TMEM121B: variants seen among roughly 807,000 people sequenced by gnomAD.
The protein encoded by TMEM121B is cat eye syndrome chromosome region, candidate 6.
In TMEM121B, 14 loss-of-function variants were observed where a neutral mutation model predicts 25.1. The observed-to-expected ratio is 0.56, with a 90% CI of 0.37 to 0.87. TMEM121B has a LOEUF of 0.87. TMEM121B is among the 40% of genes least tolerant of loss of function. TMEM121B has a pLI of 0.00. For missense variants in TMEM121B, 850 were observed against 854.6 expected, an observed-to-expected ratio of 0.99 and a Z score of 0.07; for synonymous variants, 458 against 420.9, an observed-to-expected ratio of 1.09 and a Z score of -1.08.
At position 17,120,179 on chromosome 22, in the gene TMEM121B, C is replaced by A. The variant is rs779385176; in HGVS notation, c.949G>T (p.Ala317Ser). The A allele has an allele frequency of 3.8e-6, 6 of 1,564,572 alleles. No homozygotes were observed. Among genetic ancestry groups the A allele is most frequent in the Non-Finnish European group, 5.2e-6 (6 of 1,158,766 alleles). ...AAGGCGATGGAGTAGATAAGCCAGG[C>A]CAGGTAGGCGAAGGCGAACTCGCCC... ...AAGEFAFAYL[A>S]WLIYSIAFTP... The change falls in exon 1 of 1, where the codon GCC (alanine) becomes TCC (serine). Residue 317 changes from alanine (A) to serine (S), a missense_variant. Transcript: ENST00000331437.
chr22:17,118,662 G>A lies in TMEM121B; in HGVS notation c.*729C>T, dbSNP rs1233745111. The A allele has an allele frequency of 1.3e-5, 2 of 152,630 alleles. No homozygotes were observed. The highest frequency in any genetic ancestry group is 2.9e-5 in the Non-Finnish European group (2 of 68,036). The allele number at this position is 152,630 out of a possible 1,614,324, so 9.5% of individuals were successfully genotyped here. A position where few individuals can be genotyped will look rare whatever the true frequency, so the allele number is the denominator to read the frequency against. On this transcript the variant is annotated 3_prime_UTR_variant, in exon 1 of 1. Transcript: ENST00000331437. ...GGTGCAGTTTGGTCCTTAGAGAATG[G>A]ATCCCCTCCTCTCCCTGAGCTGAGA...
rs1447592322 is a variant in TMEM121B at position 17,120,603 on chromosome 22, G to A, written c.525C>T (p.Cys175=). 1.9e-5 allele frequency: 26 copies of A among 1,360,666 alleles called. No individual in the cohort carries two copies. The highest frequency in any genetic ancestry group is 2.5e-5 in the Non-Finnish European group (26 of 1,054,284). The allele number at this position is 1,360,666 out of a possible 1,614,324, so 84.3% of individuals were successfully genotyped here. Residue 175 remains cysteine (C), a synonymous_variant, in exon 1 of 1, where the codon TGC becomes TGT. Transcript: ENST00000331437. The part of the protein sequence containing the change: ...GASCCPCCCC[C]GCPDRPGRRG... ...TGCGGCCGGGGCGGTCTGGGCAGCC[G>A]CAGCAGCAGCAACACGGGCAGCAGG...
rs1293489656 is a variant in TMEM121B, at chr22:17,121,076, A to G, written c.52T>C (p.Phe18Leu). Residue 18 changes from phenylalanine (F) to leucine (L), a missense_variant, in exon 1 of 1, where the codon TTC (phenylalanine) becomes CTC (leucine). Phe to Leu is a conservative substitution (Grantham distance 22, BLOSUM62 0). Coordinates refer to ENST00000331437, the MANE Select transcript of TMEM121B (RefSeq NM_031890.4). ...PRSVSSASGS[F>L]PPPPAAARLQ... ...CGGGCGGCTGCCGGGGGCGGCGGGA[A>G]GGAACCGGACGCGGAGGAGACCGAG... 2.8e-6 allele frequency: 4 copies of G among 1,449,806 alleles called. No individual in the cohort carries two copies. Among genetic ancestry groups the G allele is most frequent in the Non-Finnish European group, 3.6e-6 (4 of 1,102,032 alleles). 89.8% of individuals were successfully genotyped at this position (1,449,806 alleles called of 1,614,324 possible).
chr22:17,120,627 G>T lies in TMEM121B; in HGVS notation c.501C>A (p.Ser167=). Residue 167 remains serine (S), a synonymous_variant, in exon 1 of 1, where the codon TCC becomes TCA. Coordinates refer to ENST00000331437, the MANE Select transcript of TMEM121B (RefSeq NM_031890.4). Reference sequence around the variant, plus strand: ...CGCAGCAGCAGCAACACGGGCAGCAGGAGGCGCCGCTGCCGGTCCCGGTGC... The same window carrying T: ...CGCAGCAGCAGCAACACGGGCAGCATGAGGCGCCGCTGCCGGTCCCGGTGC... ...AGGTGTGSGA[S]CCPCCCCCGC... is the part of the protein sequence containing the mutation. 7.9e-7 allele frequency: 1 copy of T among 1,258,358 alleles called. No homozygotes were observed. Among genetic ancestry groups the T allele is most frequent in the African/African-American group, 1.6e-5 (1 of 63,978 alleles). 77.9% of individuals were successfully genotyped at this position (1,258,358 alleles called of 1,614,324 possible).
chr22:17,119,749 G>T lies in TMEM121B; in HGVS notation c.1379C>A (p.Ser460Tyr), dbSNP rs1308478693. ...AAGGCGGCTGCAGCTGCCAGGCCCG[G>T]AGGCCTGGCCCCAGGATGCAGCCGC... Reference protein sequence around the residue: ...AAAAASWGQASGPGSCSRLLR... With the variant: ...AAAAASWGQAYGPGSCSRLLR... The change falls in exon 1 of 1, where the codon TCC becomes TAC. Residue 460 changes from serine (S) to tyrosine (Y), a missense_variant. Physicochemically the swap from Ser to Tyr is moderately radical, Grantham distance 144. Coordinates refer to ENST00000331437, the MANE Select transcript of TMEM121B (RefSeq NM_031890.4). 19 of 1,553,860 alleles carry T rather than the reference G, an allele frequency of 1.2e-5. No homozygotes were observed. The highest frequency in any genetic ancestry group is 1.6e-5 in the Non-Finnish European group (19 of 1,157,312).
chr22:17,120,193 G>A lies in TMEM121B; in HGVS notation c.935C>T (p.Ala312Val). The change falls in exon 1 of 1, where the codon GCC becomes GTC. Residue 312 changes from alanine to valine, a missense_variant. Transcript: ENST00000331437. ...LGAAAAAGEF[A>V]FAYLAWLIYS... ...GATAAGCCAGGCCAGGTAGGCGAAG[G>A]CGAACTCGCCCGCTGCCGCGGCCGC... is the stretch of plus-strand genomic sequence containing the variant. The A allele has an allele frequency of 1.3e-6, 2 of 1,529,544 alleles. No homozygotes were observed. Among genetic ancestry groups the A allele is most frequent in the African/African-American group, 1.4e-5 (1 of 70,470 alleles). 94.7% of individuals were successfully genotyped at this position (1,529,544 alleles called of 1,614,324 possible).
rs139451730 is a variant in TMEM121B, at chr22:17,116,521, G to T, written c.*2870C>A. On this transcript the variant is annotated 3_prime_UTR_variant, in exon 1 of 1. Coordinates refer to ENST00000331437, the MANE Select transcript of TMEM121B (RefSeq NM_031890.4). ...GTCTTTTTAAAATAAGTAAGGATTT[G>T]GGGACTAACAGAGAGGAAGCCCCTG... 2 of 152,294 alleles carry T rather than the reference G, an allele frequency of 1.3e-5. No homozygotes were observed. The highest frequency in any genetic ancestry group is 4.8e-5 in the African/African-American group (2 of 41,550). The allele number at this position is 152,294 out of a possible 1,614,324, so 9.4% of individuals were successfully genotyped here.
rs906101193 is a variant in TMEM121B, at chr22:17,120,366, G to A, written c.762C>T (p.Gly254=). Residue 254 remains glycine (G), a synonymous_variant, in exon 1 of 1, where the codon GGC becomes GGT. Transcript: ENST00000331437. ...FFAKNSRGRR[G]GAASGAHNHH... ...GGTTGTGCGCGCCGCTGGCTGCGCC[G>A]CCCCGACGGCCCCGGCTGTTCTTGG... The A allele has an allele frequency of 1.4e-5, 21 of 1,540,868 alleles. No homozygotes were observed. The highest frequency in any genetic ancestry group is 7.1e-5 in the African/African-American group (5 of 70,576).
chr22:17,119,782 G>T lies in TMEM121B; in HGVS notation c.1346C>A (p.Ala449Glu). The T allele has an allele frequency of 6.3e-7, 1 of 1,576,840 alleles. No homozygotes were observed. The highest frequency in any genetic ancestry group is 8.5e-7 in the Non-Finnish European group (1 of 1,169,644). Reference sequence around the variant, plus strand: ...GCCCCAGGATGCAGCCGCTGCGGCCGCGGCGTTGAGCTCGTAGAGCCAGAG... The same window carrying T: ...GCCCCAGGATGCAGCCGCTGCGGCCTCGGCGTTGAGCTCGTAGAGCCAGAG... ...PVLWLYELNA[A>E]AAAAASWGQA... Residue 449 changes from alanine (A) to glutamate (E), a missense_variant, in exon 1 of 1, where the codon GCG (alanine) becomes GAG (glutamate). Ala to Glu is a moderately radical substitution (Grantham distance 107, BLOSUM62 -1). Transcript: ENST00000331437.
At position 17,120,690 on chromosome 22, in the gene TMEM121B, G is replaced by A. The variant is rs1371860336; in HGVS notation, c.438C>T (p.Val146=). 62 of 1,186,784 alleles carry A rather than the reference G, an allele frequency of 5.2e-5. No individual in the cohort carries two copies. The highest frequency in any genetic ancestry group is 5.8e-5 in the Non-Finnish European group (56 of 960,062). 73.5% of individuals were successfully genotyped at this position (1,186,784 alleles called of 1,614,324 possible). Residue 146 remains valine (V), a synonymous_variant, in exon 1 of 1, where the codon GTC becomes GTT. Transcript: ENST00000331437. ...CCGCCGAGCGGCTCCCGGGGCCCCC[G>A]ACGGCCCCGGCCGCGGCGCCCCCGC... ...DFGGGAAAGA[V]GGPGSRSAGG...
At position 17,120,828 on chromosome 22, in the gene TMEM121B, A is replaced by T; in HGVS notation, c.300T>A (p.Ala100=). The T allele has an allele frequency of 1.6e-6, 2 of 1,259,688 alleles. No individual in the cohort carries two copies. The highest frequency in any genetic ancestry group is 3.1e-4 in the Middle Eastern group (1 of 3,250). 78.0% of individuals were successfully genotyped at this position (1,259,688 alleles called of 1,614,324 possible). A position where few individuals can be genotyped will look rare whatever the true frequency, so the allele number is the denominator to read the frequency against. ...VPNAALLGPP[A]QVGAPAGPAP... ...CGGGGCCGGCGGGGGCGCCCACCTG[A>T]GCCGGCGGCCCCAGGAGCGCGGCGT... The change falls in exon 1 of 1, where the codon GCT becomes GCA. Residue 100 remains alanine (A), a synonymous_variant. Coordinates refer to ENST00000331437, the MANE Select transcript of TMEM121B (RefSeq NM_031890.4).
In TMEM121B at chr22:17,120,228, G is replaced by A; in HGVS notation, c.900C>T (p.Gly300=). Reference sequence around the variant, plus strand: ...CCGCTGCCGCGGCCGCCCCCAGGCCGCCCCCCGCGCCGCCGGCGCCCCCGC... The same window carrying A: ...CCGCTGCCGCGGCCGCCCCCAGGCCACCCCCCGCGCCGCCGGCGCCCCCGC... ...GARGGAGGAG[G]GLGAAAAAGE... is the part of the protein sequence containing the mutation. Residue 300 remains glycine, a synonymous_variant, in exon 1 of 1, where the codon GGC becomes GGT. Coordinates refer to ENST00000331437, the MANE Select transcript of TMEM121B (RefSeq NM_031890.4). The A allele has an allele frequency of 7.6e-7, 1 of 1,320,548 alleles. No individual in the cohort carries two copies. Among genetic ancestry groups the A allele is most frequent in the Non-Finnish European group, 9.6e-7 (1 of 1,037,436 alleles). 81.8% of individuals were successfully genotyped at this position (1,320,548 alleles called of 1,614,324 possible).
In TMEM121B at chr22:17,120,465, G is replaced by T; in HGVS notation, c.663C>A (p.Ala221=). The T allele has an allele frequency of 6.3e-7, 1 of 1,586,442 alleles. No homozygotes were observed. The part of the protein sequence containing the change: ...QGGLLDLYLI[A]VTDLYWCSWI... ...AGGAGCACCAGTACAGGTCGGTGAC[G>T]GCGATGAGGTACAGGTCCAGCAGGC... The change falls in exon 1 of 1, where the codon GCC becomes GCA. Residue 221 remains alanine, a synonymous_variant. Coordinates refer to ENST00000331437, the MANE Select transcript of TMEM121B (RefSeq NM_031890.4).
In TMEM121B at chr22:17,120,933, G is replaced by T; in HGVS notation, c.195C>A (p.Gly65=). 7.1e-7 allele frequency: 1 copy of T among 1,405,314 alleles called. No homozygotes were observed. The highest frequency in any genetic ancestry group is 9.2e-7 in the Non-Finnish European group (1 of 1,081,474). The allele number at this position is 1,405,314 out of a possible 1,614,324, so 87.1% of individuals were successfully genotyped here. A position where few individuals can be genotyped will look rare whatever the true frequency, so the allele number is the denominator to read the frequency against. Residue 65 remains glycine, a synonymous_variant, in exon 1 of 1, where the codon GGC becomes GGA. Coordinates refer to ENST00000331437, the MANE Select transcript of TMEM121B (RefSeq NM_031890.4). ...CGCCCGTGCTGCTGCTCGGGGAGCC[G>T]CCGCCCCCGCCGCGTCTGCCGCCGC... is the stretch of plus-strand genomic sequence containing the variant. ...GGGGGRRGGG[G]GSPSSSTGAE... is the part of the protein sequence containing the mutation.
rs757381613 is a variant in TMEM121B, at chr22:17,119,932, G to A, written c.1196C>T (p.Thr399Met). ...RHRAAGCFLG[T>M]CLDLLDSFTL... ...GAAGCTGTCGAGCAGGTCCAAGCAC[G>A]TGCCCAGGAAGCATCCGGCCGCGCG... The change falls in exon 1 of 1, where the codon ACG becomes ATG. Residue 399 changes from threonine (T) to methionine (M), a missense_variant. Physicochemically the swap from Thr to Met is moderately conservative, Grantham distance 81. Coordinates refer to ENST00000331437, the MANE Select transcript of TMEM121B (RefSeq NM_031890.4). 10 of 1,571,354 alleles carry A rather than the reference G, an allele frequency of 6.4e-6. No homozygotes were observed. The highest frequency in any genetic ancestry group is 8.6e-6 in the Non-Finnish European group (10 of 1,164,564).
rs1434152366 is a variant in TMEM121B, at chr22:17,119,955, G to T, written c.1173C>A (p.Arg391=). ...GPLLLQPQRH[R]AAGCFLGTCL... is the part of the protein sequence containing the mutation. ...ACGTGCCCAGGAAGCATCCGGCCGC[G>T]CGGTGCCGCTGGGGCTGCAGCAGCA... Residue 391 remains arginine (R), a synonymous_variant, in exon 1 of 1, where the codon CGC becomes CGA. Transcript: ENST00000331437. 1.3e-6 allele frequency: 2 copies of T among 1,577,374 alleles called. No homozygotes were observed. The highest frequency in any genetic ancestry group is 2.7e-5 in the African/African-American group (2 of 74,500).
In TMEM121B at chr22:17,120,249, CCCGCGGGCT is replaced by C; in HGVS notation, c.870_878del (p.Ala291_Gly293del). ...GGCCGCCCCCCGCGCCGCCGGCGCC[CCCGCGGGCT>C]CCGCGTGCCTTGGCCCCAGCGGTAG... On this transcript the variant is annotated inframe_deletion, in exon 1 of 1. Transcript: ENST00000331437. 1 of 1,240,580 alleles carries C rather than the reference CCCGCGGGCT, an allele frequency of 8.1e-7. No individual in the cohort carries two copies. The highest frequency in any genetic ancestry group is 1.0e-6 in the Non-Finnish European group (1 of 996,024). The allele number at this position is 1,240,580 out of a possible 1,614,324, so 76.8% of individuals were successfully genotyped here.
At position 17,119,864 on chromosome 22, in the gene TMEM121B, C is replaced by T. The variant is rs931193134; in HGVS notation, c.1264G>A (p.Ala422Thr). The T allele has an allele frequency of 5.7e-6, 9 of 1,576,316 alleles. No homozygotes were observed. The South Asian group carries it at 9.1e-5, about 16-fold the overall frequency. ...GCGATAAGCAGGTAGCGCAGGTGCG[C>T]GGGCAGCGGCACGCGGCCCTCCAGC... ...LMLEGRVPLP[A>T]HLRYLLIAVY... The change falls in exon 1 of 1, where the codon GCG becomes ACG. Residue 422 changes from alanine (A) to threonine (T), a missense_variant. Physicochemically the swap from Ala to Thr is moderately conservative, Grantham distance 58 (BLOSUM62 0). Coordinates refer to ENST00000331437, the MANE Select transcript of TMEM121B (RefSeq NM_031890.4).
chr22:17,121,277 G>T lies in TMEM121B; in HGVS notation c.-150C>A. The T allele has an allele frequency of 1.4e-6, 1 of 719,914 alleles. No homozygotes were observed. The highest frequency in any genetic ancestry group is 1.9e-6 in the Non-Finnish European group (1 of 522,900). The allele number at this position is 719,914 out of a possible 1,614,324, so 44.6% of individuals were successfully genotyped here. A position where few individuals can be genotyped will look rare whatever the true frequency, so the allele number is the denominator to read the frequency against. On this transcript the variant is annotated 5_prime_UTR_variant, in exon 1 of 1. Coordinates refer to ENST00000331437, the MANE Select transcript of TMEM121B (RefSeq NM_031890.4). ...CTGGGCCGGGCGGCGGCGAGATCCG[G>T]ACTGGAGCCACTGGACTGGGCGAGC...
Sources: allele counts gnomAD v4.1 joint callset, GRCh38; gene constraint gnomAD v4.1.1; transcripts MANE v1.5; gene names NCBI Gene and HGNC (gene_info 2026-07-23, HGNC 2026-07-21).